Variants in SMIM36 observed in about 807,000 individuals in gnomAD.
SMIM36 encodes small integral membrane protein 36.
chr17:55,495,133 A>T (rs1049718592), intron 1 of SMIM36, among the ~76,000 whole-genome samples: 3 of 152,214 alleles, frequency 2.0e-5, no homozygotes, highest in Non-Finnish European at 2.9e-5. Flanking sequence ...TGTCAAATAG[A>T]TAAGTGGTCT....
intron 4 of SMIM36, among the ~76,000 whole-genome samples, chr17:55,458,614 C>T (rs574992718): frequency 9.4e-4 from 135 of 143,858 alleles, no homozygotes; most frequent in Non-Finnish European, 7.8e-4. Flanking sequence ...GGCAGCCACA[C>T]ATCAAAAGGA....
upstream of SMIM36, among the ~76,000 whole-genome samples, chr17:55,515,262 A>G (rs1016631146): frequency 4.6e-5 from 7 of 152,114 alleles, no homozygotes; most frequent in Admixed American, 6.5e-5. Context: ...AATTTATGCT[A>G]AGAGGACATA....
the SMIM36 span, among the ~76,000 whole-genome samples, chr17:55,523,428 G>A: frequency 6.6e-6 from 1 of 152,012 alleles, no homozygotes; most frequent in East Asian, 1.9e-4. Flanking sequence ...TACTTGGGAG[G>A]CTGAGGCAGG....
chr17:55,513,199 A>G (rs1011237559), upstream of SMIM36, among the ~76,000 whole-genome samples: 2 of 152,186 alleles, frequency 1.3e-5, no homozygotes, highest in Non-Finnish European at 2.9e-5. Flanking sequence ...TATTAATAAA[A>G]ATCTTCATGG....
At chr17:55,458,220 C>T (rs1909064773) in intron 4 of SMIM36, 1 of 152,186 alleles carries the variant, frequency 6.6e-6, no homozygotes, top group Non-Finnish European at 1.5e-5. Context: ...TGTTCTATTA[C>T]TCACTTTCTC....
At chr17:55,486,029 TTTC>T (rs1438678038) in intron 1 of SMIM36, among the ~76,000 whole-genome samples, 1 of 140,122 alleles carries the variant, frequency 7.1e-6, no homozygotes, top group Non-Finnish European at 1.5e-5. Flanking sequence ...CTTTTTTTTT[TTTC>T]CTTTATTCTT....
intron 3 of SMIM36, among the ~76,000 whole-genome samples, chr17:55,472,398 C>T (rs111411582): frequency 0.079 from 12,079 of 152,258 alleles, 527 homozygotes; most frequent in South Asian, 0.14. Context: ...AATATGCTTT[C>T]CACATCCTCC....
chr17:55,504,958 A>C (rs1221993788), intron 1 of SMIM36, among the ~76,000 whole-genome samples: 1 of 83,272 alleles, frequency 1.2e-5, no homozygotes, highest in African/African-American at 7.6e-5. Flanking sequence ...CTCTACGCAA[A>C]TAAACTAGAA....
the SMIM36 span, among the ~76,000 whole-genome samples, chr17:55,523,790 T>C: frequency 1.3e-5 from 2 of 152,230 alleles, no homozygotes; most frequent in Non-Finnish European, 2.9e-5. Context: ...ATTGCCTGGC[T>C]CTATTTATAT....
At chr17:55,528,268 T>C in the SMIM36 span, among the ~76,000 whole-genome samples, 1 of 152,234 alleles carries the variant, frequency 6.6e-6, no homozygotes, top group Non-Finnish European at 1.5e-5. Context: ...CATAAATCAA[T>C]ACCATTGCTC....
chr17:55,456,288 C>T (rs753494376), intron 4 of SMIM36, among the ~76,000 whole-genome samples: 22 of 150,838 alleles, frequency 1.5e-4, no homozygotes, highest in Admixed American at 2.6e-4. Flanking sequence ...TCCATAGTTC[C>T]AGAATGAGGG....
chr17:55,468,941 A>G (rs1425389269), intron 3 of SMIM36, among the ~76,000 whole-genome samples: 1 of 152,114 alleles, frequency 6.6e-6, no homozygotes, highest in Non-Finnish European at 1.5e-5. Flanking sequence ...ATGTCGTAAA[A>G]TGGGCAAATG....
intron 1 of SMIM36, among the ~76,000 whole-genome samples, chr17:55,488,700 GT>G (rs1183900227): frequency 6.6e-6 from 1 of 152,014 alleles, no homozygotes; most frequent in East Asian, 1.9e-4. Context: ...TGTCACCAAT[GT>G]TTTTTTCTTT....
upstream of SMIM36, among the ~76,000 whole-genome samples, chr17:55,511,706 C>G (rs970659167): frequency 6.6e-6 from 1 of 152,178 alleles, no homozygotes; most frequent in African/African-American, 2.4e-5. Context: ...ATAAGCACTC[C>G]ATGATGACAG....
At chr17:55,495,254 A>G (rs1909788374) in intron 1 of SMIM36, among the ~76,000 whole-genome samples, 1 of 152,326 alleles carries the variant, frequency 6.6e-6, no homozygotes, top group South Asian at 2.1e-4. Flanking sequence ...GATGGAAATG[A>G]CCTTCAACTC....
intron 1 of SMIM36, among the ~76,000 whole-genome samples, chr17:55,497,557 G>A (rs1222313961): frequency 1.3e-5 from 2 of 152,020 alleles, no homozygotes; most frequent in African/African-American, 4.8e-5. Flanking sequence ...GAACCACTAT[G>A]CCCAGCCTAC....
chr17:55,521,549 T>C, the SMIM36 span, among the ~76,000 whole-genome samples: 1 of 152,272 alleles, frequency 6.6e-6, no homozygotes, highest in Non-Finnish European at 1.5e-5. Context: ...AGGGTATAGA[T>C]GAATAAAGAT....
chr17:55,457,310 G>A (rs1909041735), intron 4 of SMIM36, among the ~76,000 whole-genome samples: 1 of 151,534 alleles, frequency 6.6e-6, no homozygotes, highest in African/African-American at 2.4e-5. Context: ...AATTAGCTGG[G>A]CATGGTGGTG....
chr17:55,453,120 G>A (rs1908951626), intron 4 of SMIM36, among the ~76,000 whole-genome samples: 1 of 152,012 alleles, frequency 6.6e-6, no homozygotes. Flanking sequence ...GGCCAGCCTG[G>A]ACAACATAAT....
Sources: gnomAD v4.1 joint callset for allele counts (sites outside exome capture counted in the v4.1 genomes callset) on GRCh38, gnomAD v4.1.1 for gene constraint, MANE v1.5 for transcripts, NCBI Gene and HGNC (gene_info 2026-07-23, HGNC 2026-07-21) for gene names.